Variants in CFAP299 observed in about 807,000 individuals in gnomAD.
CFAP299 encodes cilia and flagella associated protein 299, also known as cilia- and flagella-associated protein 299.
CFAP299 carries 21 observed loss-of-function variants against 27.0 expected under a neutral mutation model. That is an observed-to-expected ratio of 0.78 (90% CI 0.55 to 1.12). CFAP299 has a LOEUF of 1.12. Ranked by LOEUF, CFAP299 falls within the 50% of genes most tolerant of loss-of-function variation. The probability of loss-of-function intolerance (pLI) is 0.00; values close to 1 mark genes in which losing one functional copy is unlikely to be tolerated. For missense variants in CFAP299, 310 were observed against 276.6 expected (o/e 1.12, Z -0.86); for synonymous variants, 104 against 98.1 (o/e 1.06, Z -0.36).
intron 4 of CFAP299, among the ~76,000 whole-genome samples, chr4:80,884,505 C>T (rs1733873919): frequency 2.6e-5 from 4 of 151,910 alleles, no homozygotes; most frequent in African/African-American, 2.4e-5. Context: ...TGGGATGCAG[C>T]AAAAGCAGTT....
intron 3 of CFAP299, among the ~76,000 whole-genome samples, chr4:80,730,785 T>G (rs879333795): frequency 2.0e-5 from 3 of 152,216 alleles, no homozygotes; most frequent in Non-Finnish European, 4.4e-5. Context: ...AACTAATACG[T>G]TGTTCTCTAC....
intron 3 of CFAP299, among the ~76,000 whole-genome samples, chr4:80,700,716 T>A (rs1721420767): frequency 6.6e-6 from 1 of 151,924 alleles, no homozygotes; most frequent in Non-Finnish European, 1.5e-5. Flanking sequence ...CAAGAAATTG[T>A]AGAATGAGAT....
intron 3 of CFAP299, among the ~76,000 whole-genome samples, chr4:80,743,468 T>C (rs1724401899): frequency 6.6e-6 from 1 of 152,186 alleles, no homozygotes; most frequent in South Asian, 2.1e-4. Flanking sequence ...TGGTGATTAA[T>C]ATATGTGGAT....
At chr4:80,873,817 G>A (rs1428472180) in intron 4 of CFAP299, among the ~76,000 whole-genome samples, 2 of 152,176 alleles carry the variant, frequency 1.3e-5, no homozygotes, top group African/African-American at 4.8e-5. Context: ...TGCCTATAGA[G>A]CTCTACCCAT....
chr4:80,874,446 T>TG (rs1388063234), intron 4 of CFAP299, among the ~76,000 whole-genome samples: 3 of 152,224 alleles, frequency 2.0e-5, no homozygotes, highest in Non-Finnish European at 2.9e-5. Context: ...TATGCTTATT[T>TG]GTCTTAGTTT....
intron 2 of CFAP299, among the ~76,000 whole-genome samples, chr4:80,533,912 A>G (rs1733596975): frequency 6.6e-6 from 1 of 152,150 alleles, no homozygotes; most frequent in African/African-American, 2.4e-5. Flanking sequence ...TAAGAAATAA[A>G]GACAACAAAT....
rs76814222 is a variant in CFAP299, at chr4:80,803,249, G to T, written c.334-66744G>T. ...AATAATTACAATACAGTGCAATAAG[G>T]GTAATTATTAACATACATACAGATA... On this transcript the variant is annotated intron_variant, in intron 3 of 5. Coordinates refer to ENST00000358105, the MANE Select transcript of CFAP299 (RefSeq NM_152770.3). 3.3e-4 allele frequency among the ~76,000 whole-genome samples: 50 copies of T among 151,936 alleles called. 1 individual carries two copies. In the East Asian group the frequency reaches 9.7e-3, roughly 29 times the overall value.
At chr4:80,642,672 G>A (rs1418992690) in intron 3 of CFAP299, among the ~76,000 whole-genome samples, 1 of 152,102 alleles carries the variant, frequency 6.6e-6, no homozygotes, top group Non-Finnish European at 1.5e-5. Context: ...GCTGAGGCAG[G>A]AGAATCACTT....
intron 3 of CFAP299, among the ~76,000 whole-genome samples, chr4:80,678,159 T>C (rs1343495564): frequency 1.3e-5 from 2 of 151,958 alleles, no homozygotes; most frequent in African/African-American, 4.8e-5. Flanking sequence ...TTAACTTAGG[T>C]TTTAATTGTC....
At chr4:80,614,392 G>A (rs1286458302) in intron 3 of CFAP299, among the ~76,000 whole-genome samples, 1 of 152,190 alleles carries the variant, frequency 6.6e-6, no homozygotes, top group Non-Finnish European at 1.5e-5. Context: ...GTCCATACTA[G>A]TGGTGAGGCA....
chr4:80,581,453 G>GATTATATATATATAT (rs1553936102), intron 2 of CFAP299, among the ~76,000 whole-genome samples: 5 of 103,018 alleles, frequency 4.9e-5, no homozygotes, highest in African/African-American at 1.9e-4. Context: ...TATTAAGTGA[G>GATTATATATATATAT]ATATATATAT....
At chr4:80,577,755 T>C (rs1407057932) in intron 2 of CFAP299, among the ~76,000 whole-genome samples, 2 of 152,166 alleles carry the variant, frequency 1.3e-5, no homozygotes, top group Non-Finnish European at 2.9e-5. Context: ...CTTCCAGTTA[T>C]ACATTAAAAA....
At chr4:80,428,725 A>C (rs146203590) in intron 2 of CFAP299, among the ~76,000 whole-genome samples, 2,904 of 149,436 alleles carry the variant, frequency 0.019, 54 homozygotes, top group Admixed American at 0.06. Context: ...TTTTTAGTAG[A>C]GATGGGGGTT....
intron 3 of CFAP299, among the ~76,000 whole-genome samples, chr4:80,769,456 G>A (rs376953110): frequency 5.3e-4 from 80 of 152,226 alleles, no homozygotes; most frequent in African/African-American, 1.7e-3. Context: ...GTGTGGTGGT[G>A]TGATCTCGAC....
intron 2 of CFAP299, among the ~76,000 whole-genome samples, chr4:80,505,048 AT>A (rs1418080741): frequency 6.7e-6 from 1 of 149,468 alleles, no homozygotes; most frequent in Non-Finnish European, 1.5e-5. Flanking sequence ...TTTATATATC[AT>A]TTATATATTG....
At chr4:80,820,722 A>G (rs1381749985) in intron 3 of CFAP299, among the ~76,000 whole-genome samples, 1 of 152,156 alleles carries the variant, frequency 6.6e-6, no homozygotes, top group African/African-American at 2.4e-5. Flanking sequence ...AAAGGGACAG[A>G]ATCATTCTCT....
chr4:80,661,007 G>T (rs1262385827), intron 3 of CFAP299, among the ~76,000 whole-genome samples: 1 of 152,040 alleles, frequency 6.6e-6, no homozygotes, highest in Non-Finnish European at 1.5e-5. Flanking sequence ...TCCTAGGTTG[G>T]ATAGGAAAGT....
chr4:80,706,525 A>G (rs1168506171), intron 3 of CFAP299, among the ~76,000 whole-genome samples: 1 of 151,882 alleles, frequency 6.6e-6, no homozygotes, highest in East Asian at 1.9e-4. Context: ...CCTGATAATC[A>G]TAGTCATTGA....
intron 3 of CFAP299, among the ~76,000 whole-genome samples, chr4:80,702,945 C>T (rs1721596120): frequency 6.6e-6 from 1 of 151,728 alleles, no homozygotes; most frequent in Non-Finnish European, 1.5e-5. Flanking sequence ...GTGCTAATGC[C>T]ATCCTTCATA....
Sources: gnomAD v4.1 joint callset for allele counts (sites outside exome capture counted in the v4.1 genomes callset) on GRCh38, gnomAD v4.1.1 for gene constraint, MANE v1.5 for transcripts, NCBI Gene and HGNC (gene_info 2026-07-23, HGNC 2026-07-21) for gene names.